ZSWIM9: variants seen among roughly 807,000 people sequenced by gnomAD.
ZSWIM9 encodes the protein zinc finger SWIM-type containing 9, also known as uncharacterized protein ZSWIM9.
ZSWIM9 carries 11 observed loss-of-function variants against 25.0 expected under a neutral mutation model. The observed-to-expected ratio is 0.44, with a 90% confidence interval of 0.28 to 0.73. The LOEUF is 0.73. Ranked by LOEUF, ZSWIM9 falls within the 30% of genes least tolerant of loss-of-function variation. The probability of loss-of-function intolerance (pLI) is 0.16; values close to 1 mark genes in which losing one functional copy is unlikely to be tolerated. For missense variants in ZSWIM9, 1,070 were observed against 1,296.5 expected, an observed-to-expected ratio of 0.83 and a Z score of 2.68; for synonymous variants, 562 against 582.1, an observed-to-expected ratio of 0.97 and a Z score of 0.50.
chr19:48,182,765 AAGGTGGGGTCTCG>A lies in ZSWIM9; in HGVS notation c.588+1_588+13del. 6.6e-7 allele frequency: 1 copy of A among 1,523,842 alleles called. No individual in the cohort carries two copies. Among genetic ancestry groups the A allele is most frequent in the Non-Finnish European group, 8.8e-7 (1 of 1,137,420 alleles). The allele number at this position is 1,523,842 out of a possible 1,614,324, so 94.4% of individuals were successfully genotyped here. On this transcript the variant is annotated splice_donor_variant and splice_donor_5th_base_variant and coding_sequence_variant and intron_variant, in exon 3 of 4. Coordinates refer to ENST00000614654, the MANE Select transcript of ZSWIM9 (RefSeq NM_199341.4). LOFTEE classifies it high-confidence loss of function. The surrounding 1 kb of genome is among the most constrained non-coding windows in gnomAD (Gnocchi z 4.6). ...CCTCTTCCGCACCGACCCCGAGGCC[AAGGTGGGGTCTCG>A]AGAGAGGCAGGCCGGGGGAGGGGGC...
chr19:48,195,377 C>A lies in ZSWIM9; in HGVS notation c.1313C>A (p.Ala438Glu), dbSNP rs1206516312. Residue 438 changes from alanine to glutamate, a missense_variant, in exon 4 of 4, where the codon GCG becomes GAG. By Grantham distance (107) the Ala-to-Glu change is moderately radical (BLOSUM62 -1). Coordinates refer to ENST00000614654, the MANE Select transcript of ZSWIM9 (RefSeq NM_199341.4). This position sits in a 1 kb window ranked among gnomAD's most constrained non-coding sequence, Gnocchi z 5.8. Reference protein sequence around the residue: ...RDLVAMQWADAAGEAVPEGPD... With the variant: ...RDLVAMQWADEAGEAVPEGPD... ...CTGGTGGCCATGCAGTGGGCCGACGCGGCCGGGGAGGCGGTGCCCGAGGGG... is the reference window on the plus strand; with the variant it reads ...CTGGTGGCCATGCAGTGGGCCGACGAGGCCGGGGAGGCGGTGCCCGAGGGG... 1 of 1,503,134 alleles carries A rather than the reference C, an allele frequency of 6.7e-7. No homozygotes were observed. Among genetic ancestry groups the A allele is most frequent in the Non-Finnish European group, 8.8e-7 (1 of 1,134,100 alleles). The allele number at this position is 1,503,134 out of a possible 1,614,324, so 93.1% of individuals were successfully genotyped here.
intron 1 of ZSWIM9, chr19:48,171,347 A>T (rs1299444049): frequency 3.0e-6 from 3 of 985,288 alleles, no homozygotes; most frequent in East Asian, 2.3e-4. Flanking sequence ...CTGTTGGCAC[A>T]TGGAAGGAGG....
chr19:48,171,887 G>A lies in ZSWIM9; in HGVS notation c.85G>A (p.Glu29Lys), dbSNP rs2036824773. The A allele has an allele frequency of 1.3e-6, 2 of 1,535,744 alleles. No individual in the cohort carries two copies. The highest frequency in any genetic ancestry group is 1.7e-6 in the Non-Finnish European group (2 of 1,146,682). The change falls in exon 2 of 4, where the codon GAG becomes AAG. Residue 29 changes from glutamate (E) to lysine (K), a missense_variant. Around this residue, in one of 4 missense-constraint regions of ZSWIM9, gnomAD observed 265 missense variants for 339.0 expected, o/e 0.78. Coordinates refer to ENST00000614654, the MANE Select transcript of ZSWIM9 (RefSeq NM_199341.4). ...GGAGCGGGCCTTCTTCTCGTGGGCC[G>A]AGTTCAGCCGCTTCTTCGACGCGTG... ...LRERAFFSWA[E>K]FSRFFDAWCQ... is the part of the protein sequence containing the mutation.
At chr19:48,188,404 G>A (rs1254837154) in intron 3 of ZSWIM9, among the ~76,000 whole-genome samples, 1 of 151,856 alleles carries the variant, frequency 6.6e-6, no homozygotes, top group African/African-American at 2.4e-5. Flanking sequence ...GTGTGTGTGT[G>A]TTTTAGTAGA....
chr19:48,190,844 G>C (rs370240), intron 3 of ZSWIM9, among the ~76,000 whole-genome samples: 62,911 of 152,066 alleles, frequency 0.41, 13,187 homozygotes, highest in East Asian at 0.53. Flanking sequence ...CGTATAGCCT[G>C]TTTTCACATG....
intron 2 of ZSWIM9, among the ~76,000 whole-genome samples, chr19:48,172,755 A>T (rs2036853888): frequency 6.6e-6 from 1 of 152,066 alleles, no homozygotes; most frequent in Non-Finnish European, 1.5e-5. Context: ...ACCTCAGGTG[A>T]TCTGCCCGTC....
At chr19:48,190,314 G>A (rs1440760002) in intron 3 of ZSWIM9, among the ~76,000 whole-genome samples, 1 of 152,200 alleles carries the variant, frequency 6.6e-6, no homozygotes, top group Non-Finnish European at 1.5e-5. Context: ...TCTTGAGGTT[G>A]TGTGAGTCAG....
chr19:48,182,696 G>A lies in ZSWIM9; in HGVS notation c.517G>A (p.Gly173Ser). 6.5e-7 allele frequency: 1 copy of A among 1,535,586 alleles called. No homozygotes were observed. The change falls in exon 3 of 4, where the codon GGC (glycine) becomes AGC (serine). Residue 173 changes from glycine (G) to serine (S), a missense_variant. By Grantham distance (56) the Gly-to-Ser change is moderately conservative. Around this residue, in one of 4 missense-constraint regions of ZSWIM9, gnomAD observed 265 missense variants for 339.0 expected, o/e 0.78. Coordinates refer to ENST00000614654, the MANE Select transcript of ZSWIM9 (RefSeq NM_199341.4). The surrounding 1 kb of genome is among the most constrained non-coding windows in gnomAD (Gnocchi z 4.6). Reference sequence around the variant, plus strand: ...GCGCCGCCTGCTGTCCTACTGCAAGGGCCGCGACCACGGCGTCCTGGACGC... The same window carrying A: ...GCGCCGCCTGCTGTCCTACTGCAAGAGCCGCGACCACGGCGTCCTGGACGC... ...DVRRLLSYCK[G>S]RDHGVLDALH... is the part of the protein sequence containing the mutation.
chr19:48,187,574 T>TTATATATTATATA, intron 3 of ZSWIM9: 1 of 59,948 alleles, frequency 1.7e-5, no homozygotes, highest in Admixed American at 3.2e-4. Flanking sequence ...TAATATTATA[T>TTATATATTATATA]ATATTATATA....
In ZSWIM9 at chr19:48,195,359, C is replaced by A; in HGVS notation, c.1295C>A (p.Ala432Asp). The A allele has an allele frequency of 6.6e-7, 1 of 1,523,374 alleles. No individual in the cohort carries two copies. The highest frequency in any genetic ancestry group is 8.8e-7 in the Non-Finnish European group (1 of 1,142,178). 94.4% of individuals were successfully genotyped at this position (1,523,374 alleles called of 1,614,324 possible). A position where few individuals can be genotyped will look rare whatever the true frequency, so the allele number is the denominator to read the frequency against. ...GCGCAGTGCCTTCGCGACCTGGTGG[C>A]CATGCAGTGGGCCGACGCGGCCGGG... The part of the protein sequence containing the change: ...GVAQCLRDLV[A>D]MQWADAAGEA... The change falls in exon 4 of 4, where the codon GCC becomes GAC. Residue 432 changes from alanine to aspartate, a missense_variant. Around this residue, in one of 4 missense-constraint regions of ZSWIM9, gnomAD observed 583 missense variants for 624.7 expected, o/e 0.93. Transcript: ENST00000614654. This position sits in a 1 kb window ranked among gnomAD's most constrained non-coding sequence, Gnocchi z 5.8.
intron 3 of ZSWIM9, among the ~76,000 whole-genome samples, chr19:48,183,538 G>A (rs2036977677): frequency 6.6e-6 from 1 of 151,994 alleles, no homozygotes; most frequent in Non-Finnish European, 1.5e-5. Flanking sequence ...ACCAACAACT[G>A]ACAAACATGT....
chr19:48,196,887 C>T lies in ZSWIM9; in HGVS notation c.*60C>T. On this transcript the variant is annotated 3_prime_UTR_variant, in exon 4 of 4. Coordinates refer to ENST00000614654, the MANE Select transcript of ZSWIM9 (RefSeq NM_199341.4). ...AGGGTCGGAGGGCATTCTTCGATCC[C>T]AAAGATAATAGGGCTGAGGCCAAGG... The T allele has an allele frequency of 1.6e-6, 2 of 1,245,946 alleles. No homozygotes were observed. Among genetic ancestry groups the T allele is most frequent in the Non-Finnish European group, 2.0e-6 (2 of 995,342 alleles). 77.2% of individuals were successfully genotyped at this position (1,245,946 alleles called of 1,614,324 possible).
At chr19:48,185,515 T>A (rs1469831791) in intron 3 of ZSWIM9, among the ~76,000 whole-genome samples, 2 of 152,246 alleles carry the variant, frequency 1.3e-5, no homozygotes, top group African/African-American at 4.8e-5. Context: ...AAATATTTAC[T>A]TTTTGAATAT....
chr19:48,191,092 A>ATGTGTG (rs940221946), intron 3 of ZSWIM9, among the ~76,000 whole-genome samples: 123 of 96,536 alleles, frequency 1.3e-3, no homozygotes, highest in African/African-American at 3.2e-3. Flanking sequence ...GTGTATGTGT[A>ATGTGTG]TGTGTGTGTG....
chr19:48,195,640 G>A lies in ZSWIM9; in HGVS notation c.1576G>A (p.Gly526Ser). ...ACTGCAGATCAGAGATTGGAGAGGG[G>A]GTCGGTTGGAGAATCAGAAGCCGAG... ...RALQIRDWRG[G>S]RLENQKPRGL... The change falls in exon 4 of 4, where the codon GGT (glycine) becomes AGT (serine). Residue 526 changes from glycine to serine, a missense_variant. Physicochemically the swap from Gly to Ser is moderately conservative, Grantham distance 56. Around this residue, in one of 4 missense-constraint regions of ZSWIM9, gnomAD observed 583 missense variants for 624.7 expected, o/e 0.93. Coordinates refer to ENST00000614654, the MANE Select transcript of ZSWIM9 (RefSeq NM_199341.4). The surrounding 1 kb of genome is among the most constrained non-coding windows in gnomAD (Gnocchi z 5.8). 2.8e-6 allele frequency: 4 copies of A among 1,423,256 alleles called. No individual in the cohort carries two copies. The highest frequency in any genetic ancestry group is 6.0e-5 in the Admixed American group (2 of 33,486). 88.2% of individuals were successfully genotyped at this position (1,423,256 alleles called of 1,614,324 possible).
intron 2 of ZSWIM9, 65 bp downstream of exon 2, chr19:48,172,142 G>GGGC: frequency 3.7e-6 from 2 of 546,420 alleles, no homozygotes; most frequent in Non-Finnish European, 6.4e-6. Context: ...GTGTGGGTGG[G>GGGC]AGACGGGCAG....
rs765221765 is a variant in ZSWIM9, at chr19:48,191,191, TTTG to T, written c.589-3450_589-3448del. 2.4e-3 allele frequency among the ~76,000 whole-genome samples: 356 copies of T among 151,306 alleles called. 2 individuals carry two copies. The highest frequency in any genetic ancestry group is 7.8e-3 in the African/African-American group (321 of 40,892). ...CATATGTTCAATATTTAGCTATTAT[TTTG>T]TTGTTGTTGTTTGTTTGTTTGTTTT... On this transcript the variant is annotated intron_variant, in intron 3 of 3. Transcript: ENST00000614654.
chr19:48,187,380 G>A (rs1358005295), intron 3 of ZSWIM9, among the ~76,000 whole-genome samples: 1 of 20,616 alleles, frequency 4.9e-5, no homozygotes, highest in Non-Finnish European at 1.2e-4. Context: ...ACAGTATAAT[G>A]TAATAATTAA....
Position 48,197,529 on chromosome 19 carries a change from C to G in ZSWIM9, c.*702C>G. ...TCGCCTTCTGAAGAGAGAGGGAGGG[C>G]GGGCACTGGGGGTCAGGAGAGTCTC... On this transcript the variant is annotated 3_prime_UTR_variant, in exon 4 of 4. Transcript: ENST00000614654. 1 of 442,328 alleles carries G rather than the reference C, an allele frequency of 2.3e-6. No homozygotes were observed. Among genetic ancestry groups the G allele is most frequent in the South Asian group, 2.9e-5 (1 of 33,980 alleles). 27.4% of individuals were successfully genotyped at this position (442,328 alleles called of 1,614,324 possible).
Sources: allele counts gnomAD v4.1 joint callset (sites outside exome capture counted in the v4.1 genomes callset), GRCh38; gene constraint gnomAD v4.1.1; regional missense constraint gnomAD v4.1.1; non-coding constraint Gnocchi (gnomAD v3.1); transcripts MANE v1.5; gene names NCBI Gene and HGNC (gene_info 2026-07-23, HGNC 2026-07-21).